MROH2A: variants seen among roughly 807,000 people sequenced by gnomAD.
The protein encoded by MROH2A is maestro heat-like repeat-containing protein family member 2A.
A neutral mutation model predicts 200.4 loss-of-function variants in MROH2A; 174 were observed. The observed-to-expected ratio is 0.87, with a 90% CI of 0.77 to 0.98. The LOEUF is 0.98. Ranked by LOEUF, MROH2A falls within the 50% of genes least tolerant of loss-of-function variation. The pLI is 0.00. For missense variants in MROH2A, 2,045 were observed against 2,139.6 expected (o/e 0.96, Z 0.87); for synonymous variants, 829 against 840.4 (o/e 0.99, Z 0.23).
chr2:233,784,727 G>A lies in MROH2A; in HGVS notation c.277-4770G>A, dbSNP rs531181851. The stretch of plus-strand genomic sequence containing the variant: ...CCACCATGGGTAGGCCTTACTAGAA[G>A]CAGAGGCCGGCAGCATACTTGCTGT... On this transcript the variant is annotated intron_variant, in intron 3 of 41. Transcript: ENST00000389758. 2.0e-5 allele frequency among the ~76,000 whole-genome samples: 3 copies of A among 152,298 alleles called. No homozygotes were observed. In the East Asian group the frequency reaches 5.8e-4, roughly 29 times the overall value.
rs547422239 is a variant in MROH2A at position 233,832,650 on chromosome 2, T to A, written c.4903+6T>A. 1 of 1,542,762 alleles carries A rather than the reference T, an allele frequency of 6.5e-7. No homozygotes were observed. Among genetic ancestry groups the A allele is most frequent in the Admixed American group, 2.0e-5 (1 of 50,954 alleles). On this transcript the variant is annotated splice_donor_region_variant and intron_variant, in intron 41 of 41. Transcript: ENST00000389758. ...CTTCCCAGCATTACGGAATTGTGAG[T>A]AGTGGAGAGTGTTAGATGTTGAGTC...
chr2:233,780,175 T>C (rs935461468), intron 3 of MROH2A, among the ~76,000 whole-genome samples: 3 of 152,124 alleles, frequency 2.0e-5, no homozygotes, highest in African/African-American at 7.2e-5. Flanking sequence ...GTTTGGCTAG[T>C]GGGGAGATGC....
Position 233,811,031 on chromosome 2 carries a change from C to G in MROH2A, c.2571+115C>G, listed in dbSNP as rs1325222445. The stretch of plus-strand genomic sequence containing the variant: ...TCTGCAGAGCTCTCTGAAGTCCTTC[C>G]CTGTCTTGGCTCTGCTTTGTCCTAA... On this transcript the variant is annotated intron_variant, in intron 23 of 41. Coordinates refer to ENST00000389758, the MANE Select transcript of MROH2A (RefSeq NM_001394639.1). 2.5e-6 allele frequency: 3 copies of G among 1,196,924 alleles called. No individual in the cohort carries two copies. The South Asian group carries it at 4.6e-5, about 18-fold the overall frequency. The allele number at this position is 1,196,924 out of a possible 1,614,324, so 74.1% of individuals were successfully genotyped here. A position where few individuals can be genotyped will look rare whatever the true frequency, so the allele number is the denominator to read the frequency against.
chr2:233,813,853 T>C, intron 25 of MROH2A, 75 bp downstream of exon 25: 3 of 782,672 alleles, frequency 3.8e-6, no homozygotes, highest in Non-Finnish European at 6.4e-6. Flanking sequence ...ATGCTGAGAG[T>C]CCACCTTCCT....
chr2:233,799,022 C>G (rs554465927), intron 12 of MROH2A, among the ~76,000 whole-genome samples, 172 bp downstream of exon 12: 5 of 152,160 alleles, frequency 3.3e-5, no homozygotes, highest in African/African-American at 1.2e-4. Context: ...GTTCCACTCT[C>G]GAGACCTCAT....
intron 34 of MROH2A, 128 bp downstream of exon 34, chr2:233,823,146 C>A: frequency 1.0e-6 from 1 of 984,388 alleles, no homozygotes; most frequent in Non-Finnish European, 1.5e-6. Context: ...AACTGCCACG[C>A]CAACCTGTGA....
intron 26 of MROH2A, 30 bp from the exon 27 acceptor site, chr2:233,816,751 C>T: frequency 6.7e-7 from 1 of 1,482,760 alleles, no homozygotes; most frequent in East Asian, 2.5e-5. Flanking sequence ...ATTTTAACAC[C>T]CACTTTGGTG....
rs1248787956 is a variant in MROH2A at position 233,779,851 on chromosome 2, AG to A, written c.276+1del. On this transcript the variant is annotated frameshift_variant and splice_region_variant, in exon 3 of 42. Transcript: ENST00000389758. LOFTEE classifies it high-confidence loss of function. Reference sequence around the variant, plus strand: ...CTCATCCGCTGCCTGCAGGTGCCAGAGGTAGGGCCATCTTACCCACTGGGCT... The same window carrying A: ...CTCATCCGCTGCCTGCAGGTGCCAGAGTAGGGCCATCTTACCCACTGGGCT... ...NTLIRCLQVP[E>X]ISTQRKVNIY... 1 of 1,549,168 alleles carries A rather than the reference AG, an allele frequency of 6.5e-7. No homozygotes were observed. The highest frequency in any genetic ancestry group is 2.4e-5 in the East Asian group (1 of 40,898).
chr2:233,818,833 G>A (rs962087794), intron 29 of MROH2A, 63 bp downstream of exon 29: 28 of 1,057,260 alleles, frequency 2.6e-5, no homozygotes, highest in Non-Finnish European at 3.9e-5. Context: ...CCGTCTCTCA[G>A]GGAGGGAGGC....
In MROH2A at chr2:233,828,702, G is replaced by C. The variant is rs778853440; in HGVS notation, c.4186G>C (p.Asp1396His). The change falls in exon 36 of 42, where the codon GAC becomes CAC. Residue 1396 changes from aspartate (D) to histidine (H), a missense_variant. Physicochemically the swap from Asp to His is moderately conservative, Grantham distance 81. Coordinates refer to ENST00000389758, the MANE Select transcript of MROH2A (RefSeq NM_001394639.1). This position sits in a 1 kb window ranked among gnomAD's most constrained non-coding sequence, Gnocchi z 4.6. ...AGCTTTGCTGCTGGAGAAGGGTGCC[G>C]ACCAGGAGGAAGACGAGGCCCTGCG... ...PAALLLEKGA[D>H]QEEDEALRVL... 6.4e-7 allele frequency: 1 copy of C among 1,550,560 alleles called. No individual in the cohort carries two copies.
chr2:233,809,202 A>T lies in MROH2A; in HGVS notation c.2372A>T (p.His791Leu). The T allele has an allele frequency of 6.5e-7, 1 of 1,550,166 alleles. No homozygotes were observed. The highest frequency in any genetic ancestry group is 1.2e-5 in the South Asian group (1 of 84,026). The change falls in exon 22 of 42, where the codon CAC becomes CTC. Residue 791 changes from histidine (H) to leucine (L), a missense_variant. Transcript: ENST00000389758. ...VMYSCVASYC[H>L]PQLLLNLVDS... ...TATAGCTGCGTGGCCTCCTACTGCC[A>T]CCCCCAGTTGCTCCTCAACCTCGTG...
rs144939450 is a variant in MROH2A at position 233,783,567 on chromosome 2, C to T, written c.276+3715C>T. ...TGTATTTATTTATTTATTTTGGTGA[C>T]AAGAGTCTCACACTGTTGCCCAGGC... On this transcript the variant is annotated intron_variant, in intron 3 of 41. Transcript: ENST00000389758. Among the ~76,000 whole-genome samples, 14 of 150,912 alleles carry T rather than the reference C, an allele frequency of 9.3e-5. 1 individual carries two copies. Among genetic ancestry groups the T allele is most frequent in the African/African-American group, 3.4e-4 (14 of 41,090 alleles).
chr2:233,816,976 G>A (rs2124827140), intron 27 of MROH2A, 91 bp downstream of exon 27: 1 of 805,360 alleles, frequency 1.2e-6, no homozygotes, highest in East Asian at 2.8e-5. Flanking sequence ...GAACACTTAT[G>A]AAATCAAGTT....
intron 21 of MROH2A, among the ~76,000 whole-genome samples, chr2:233,808,619 C>A (rs1322917150): frequency 2.0e-5 from 3 of 152,248 alleles, no homozygotes; most frequent in Admixed American, 2.0e-4. Flanking sequence ...TGGCAGGGCA[C>A]TGGGGCCCCT....
intron 14 of MROH2A, 39 bp downstream of exon 14, chr2:233,800,354 C>T (rs11563245): frequency 0.19 from 237,719 of 1,255,070 alleles, 24,134 homozygotes; most frequent in Non-Finnish European, 0.21. Context: ...TGGGTCACCA[C>T]GCCAGGCTGG....
At position 233,795,988 on chromosome 2, in the gene MROH2A, C is replaced by G; in HGVS notation, c.1081C>G (p.Gln361Glu). The G allele has an allele frequency of 1.3e-6, 2 of 1,550,614 alleles. No homozygotes were observed. The highest frequency in any genetic ancestry group is 1.7e-6 in the Non-Finnish European group (2 of 1,146,980). ...CCAGGTGTGCAACAAGGCCCCGGCC[C>G]AGCATCAGTACAGCAGCCAGAATCT... ...HVQVCNKAPA[Q>E]HQYSSQNLME... The change falls in exon 10 of 42, where the codon CAG (glutamine) becomes GAG (glutamate). Residue 361 changes from glutamine to glutamate, a missense_variant. Around this residue, in one of 3 missense-constraint regions of MROH2A, gnomAD observed 831 missense variants for 800.0 expected, o/e 1.04. Transcript: ENST00000389758.
chr2:233,796,303 G>C lies in MROH2A; in HGVS notation c.1242G>C (p.Val414=). The C allele has an allele frequency of 7.0e-7, 1 of 1,423,514 alleles. No individual in the cohort carries two copies. Among genetic ancestry groups the C allele is most frequent in the African/African-American group, 1.5e-5 (1 of 67,964 alleles). The allele number at this position is 1,423,514 out of a possible 1,614,324, so 88.2% of individuals were successfully genotyped here. A position where few individuals can be genotyped will look rare whatever the true frequency, so the allele number is the denominator to read the frequency against. The change falls in exon 11 of 42, where the codon GTG becomes GTC. Residue 414 remains valine, a synonymous_variant. Coordinates refer to ENST00000389758, the MANE Select transcript of MROH2A (RefSeq NM_001394639.1). ...VGTLNLIRAI[V]SADEPRMSIR... is the part of the protein sequence containing the mutation. ...CTCTGAATCTGATTAGGGCTATAGT[G>C]AGCGCAGATGGTGAGCAAGGCAGGG...
At chr2:233,814,269 G>T (rs1395667757) in intron 25 of MROH2A, among the ~76,000 whole-genome samples, 2 of 152,058 alleles carry the variant, frequency 1.3e-5, no homozygotes, top group African/African-American at 4.8e-5. Context: ...TGATGAGATG[G>T]CTGTTTCCCT....
Position 233,804,480 on chromosome 2 carries a change from C to A in MROH2A, c.1892-15C>A. ...GAAGAAAGTGGCATGTGTGACCATA[C>A]ATGTGTTCCTGCAGAACATACTGAG... On this transcript the variant is annotated splice_polypyrimidine_tract_variant and intron_variant, in intron 17 of 41. Transcript: ENST00000389758. 6.4e-7 allele frequency: 1 copy of A among 1,550,996 alleles called. No homozygotes were observed. The highest frequency in any genetic ancestry group is 8.7e-7 in the Non-Finnish European group (1 of 1,146,932).
Sources: gnomAD v4.1 joint callset for allele counts (sites outside exome capture counted in the v4.1 genomes callset) on GRCh38, gnomAD v4.1.1 for gene constraint, gnomAD v4.1.1 regional missense constraint, Gnocchi (gnomAD v3.1) non-coding constraint, MANE v1.5 for transcripts, NCBI Gene and HGNC (gene_info 2026-07-23, HGNC 2026-07-21) for gene names.